Variants in CNTN4 observed in about 807,000 individuals in gnomAD.
CNTN4 encodes the protein contactin 4.
In CNTN4, 77 loss-of-function variants were observed where a neutral mutation model predicts 122.5. The observed-to-expected ratio is 0.63, with a 90% CI of 0.52 to 0.76. The LOEUF is 0.76. CNTN4 is among the 30% of genes least tolerant of loss of function. The pLI is 0.00. For synonymous variants in CNTN4, 512 were observed against 447.0 expected (o/e 1.15, Z -1.83); for missense variants, 1,256 against 1,259.1 (o/e 1.00, Z 0.04).
In CNTN4 at chr3:3,017,794, A is replaced by G. The variant is rs184395933; in HGVS notation, c.1487-8308A>G. 8.5e-5 allele frequency among the ~76,000 whole-genome samples: 13 copies of G among 152,366 alleles called. No homozygotes were observed. The East Asian group carries it at 2.3e-3, about 27-fold the overall frequency. On this transcript the variant is annotated intron_variant, in intron 14 of 24. Coordinates refer to ENST00000418658, the MANE Select transcript of CNTN4 (RefSeq NM_175607.3). ...CTTCGCTTATAAGATGAACTCCCAA[A>G]CCAAAATTACAAAGACCTTGAGGAA...
Sources: gnomAD v4.1 joint callset for allele counts (sites outside exome capture counted in the v4.1 genomes callset) on GRCh38, gnomAD v4.1.1 for gene constraint, MANE v1.5 for transcripts, NCBI Gene and HGNC (gene_info 2026-07-23, HGNC 2026-07-21) for gene names.